The following SLC14A1 variants were observed in gnomAD, a reference collection of about 807,000 sequenced individuals.
The protein encoded by SLC14A1 is solute carrier family 14 member 1 (Kidd blood group).
Under a neutral mutation model 39.6 loss-of-function variants are expected in SLC14A1, and 36 were observed. The ratio of observed to expected loss-of-function variants is 0.91; its 90% CI spans 0.70 to 1.20. The LOEUF is 1.20. Ranked by LOEUF, SLC14A1 falls within the 50% of genes most tolerant of loss-of-function variation. The pLI is 0.00. For missense variants in SLC14A1, 469 were observed against 478.7 expected, an observed-to-expected ratio of 0.98 and a Z score of 0.19; for synonymous variants, 164 against 173.6, an observed-to-expected ratio of 0.94 and a Z score of 0.43.
chr18:45,727,544 A>T lies in SLC14A1; in HGVS notation c.-22+2531A>T, dbSNP rs1015593112. On this transcript the variant is annotated intron_variant, in intron 2 of 9. Coordinates refer to ENST00000321925, the MANE Select transcript of SLC14A1 (RefSeq NM_015865.7). Reference sequence around the variant, plus strand: ...TGTGAGCTAAGCCAAAGGCACAGGGATCTTGGTCCAAAAAGCCCCATGGCG... The same window carrying T: ...TGTGAGCTAAGCCAAAGGCACAGGGTTCTTGGTCCAAAAAGCCCCATGGCG... The T allele has an allele frequency of 4.3e-6, 5 of 1,176,180 alleles. 1 individual carries two copies. In the South Asian group the frequency reaches 5.0e-5, roughly 12 times the overall value. The allele number at this position is 1,176,180 out of a possible 1,614,324, so 72.9% of individuals were successfully genotyped here. A position where few individuals can be genotyped will look rare whatever the true frequency, so the allele number is the denominator to read the frequency against.
In SLC14A1 at chr18:45,739,273, G is replaced by A. The variant is rs1329978626; in HGVS notation, c.774G>A (p.Leu258=). The A allele has an allele frequency of 4.3e-6, 7 of 1,614,062 alleles. No homozygotes were observed. In the Admixed American group the frequency reaches 1.0e-4, roughly 23 times the overall value. The stretch of plus-strand genomic sequence containing the variant: ...TACTCTCCTCCCCACTCATGTGCCT[G>A]CATGCTGCCATAGGATCATTGCTGG... ...AILLSSPLMC[L]HAAIGSLLGI... Residue 258 remains leucine, a synonymous_variant, in exon 7 of 10, where the codon CTG becomes CTA. Transcript: ENST00000321925.
intron 1 of SLC14A1, among the ~76,000 whole-genome samples, chr18:45,724,576 C>A (rs2046812556): frequency 6.6e-6 from 1 of 152,182 alleles, no homozygotes; most frequent in Admixed American, 6.5e-5. Context: ...CTCAATGATT[C>A]TGGGTTAATC....
intron 4 of SLC14A1, 51 bp downstream of exon 4, chr18:45,731,255 T>A: frequency 6.4e-7 from 1 of 1,562,996 alleles, no homozygotes; most frequent in South Asian, 1.1e-5. Context: ...ACACAGGGGC[T>A]GACCAGTTAC....
rs200526375 is a variant in SLC14A1, at chr18:45,739,644, C to T, written c.928C>T (p.Leu310Phe). 2.2e-5 allele frequency: 35 copies of T among 1,614,092 alleles called. No homozygotes were observed. Among genetic ancestry groups the T allele is most frequent in the African/African-American group, 1.3e-5 (1 of 74,926 alleles). The change falls in exon 8 of 10, where the codon CTC (leucine) becomes TTC (phenylalanine). Residue 310 changes from leucine to phenylalanine, a missense_variant. Transcript: ENST00000321925. ...MFMALTWQTHLLALGCALFTA... is the reference protein window; with the variant it reads ...MFMALTWQTHFLALGCALFTA... ...CATGGCGCTCACCTGGCAAACCCAC[C>T]TCCTGGCTCTTGGCTGTGGTGAGTC...
At chr18:45,741,015 C>T (rs1344151463) in intron 8 of SLC14A1, 1 of 152,290 alleles carries the variant, frequency 6.6e-6, no homozygotes, top group African/African-American at 2.4e-5. Context: ...CTGTTGGGGT[C>T]CTGAGGCCAG....
chr18:45,732,948 G>T (rs979089680), intron 4 of SLC14A1, among the ~76,000 whole-genome samples: 2 of 152,206 alleles, frequency 1.3e-5, no homozygotes, highest in Non-Finnish European at 2.9e-5. Context: ...CAAGTCCTTT[G>T]CAGCAGCATG....
intron 2 of SLC14A1, chr18:45,727,520 G>A (rs2046906123): frequency 5.9e-6 from 8 of 1,357,560 alleles, no homozygotes; most frequent in South Asian, 1.5e-5. Flanking sequence ...GGGGTTGGCT[G>A]TGAGCTAAGC....
At position 45,739,327 on chromosome 18, in the gene SLC14A1, T is replaced by C. The variant is rs562856924; in HGVS notation, c.811+17T>C. 7.4e-6 allele frequency: 12 copies of C among 1,614,050 alleles called. No homozygotes were observed. The highest frequency in any genetic ancestry group is 1.7e-4 in the Middle Eastern group (1 of 6,050). ...TAGCAGCGGGTGAGCACAAGAGCCC[T>C]TACCAAATATTGAGCACCTCCTCCA... On this transcript the variant is annotated intron_variant, in intron 7 of 9. Transcript: ENST00000321925.
intron 7 of SLC14A1, 34 bp downstream of exon 7, chr18:45,739,344 C>A (rs1351331497): frequency 1.2e-6 from 2 of 1,613,862 alleles, no homozygotes; most frequent in South Asian, 2.2e-5. Flanking sequence ...ATATTGAGCA[C>A]CTCCTCCATC....
In SLC14A1 at chr18:45,730,353, C is replaced by A; in HGVS notation, c.33C>A (p.Asp11Glu). The change falls in exon 3 of 10, where the codon GAC becomes GAA. Residue 11 changes from aspartate (D) to glutamate (E), a missense_variant. Asp to Glu is a conservative substitution (Grantham distance 45, BLOSUM62 2). Coordinates refer to ENST00000321925, the MANE Select transcript of SLC14A1 (RefSeq NM_015865.7). MEDSPTMVRV[D>E]SPTMVRGENQ... ...ACAGCCCCACTATGGTTAGAGTGGA[C>A]AGCCCCACTATGGTTAGGGGTGAAA... 6.2e-7 allele frequency: 1 copy of A among 1,613,628 alleles called. No homozygotes were observed. The highest frequency in any genetic ancestry group is 8.5e-7 in the Non-Finnish European group (1 of 1,179,974).
chr18:45,727,541 G>A lies in SLC14A1; in HGVS notation c.-22+2528G>A, dbSNP rs551035071. 3.9e-4 allele frequency: 469 copies of A among 1,202,216 alleles called. 1 individual carries two copies. The African/African-American group carries it at 5.7e-3, about 15-fold the overall frequency. 74.5% of individuals were successfully genotyped at this position (1,202,216 alleles called of 1,614,324 possible). ...GGCTGTGAGCTAAGCCAAAGGCACAGGGATCTTGGTCCAAAAAGCCCCATG... is the reference window on the plus strand; with the variant it reads ...GGCTGTGAGCTAAGCCAAAGGCACAAGGATCTTGGTCCAAAAAGCCCCATG... On this transcript the variant is annotated intron_variant, in intron 2 of 9. Transcript: ENST00000321925.
At chr18:45,734,773 G>A (rs1012954601) in intron 5 of SLC14A1, among the ~76,000 whole-genome samples, 3 of 151,792 alleles carry the variant, frequency 2.0e-5, no homozygotes, top group Non-Finnish European at 2.9e-5. Flanking sequence ...AGGATGGAAA[G>A]GAGGAGGAGT....
Position 45,750,053 on chromosome 18 carries a change from C to T in SLC14A1, c.*102C>T. The stretch of plus-strand genomic sequence containing the variant: ...AACTGCTGTTTTTCACGAGTATCAA[C>T]TTTCATACTGACGCGTCTGTAATCT... On this transcript the variant is annotated 3_prime_UTR_variant, in exon 10 of 10. Transcript: ENST00000321925. 6.2e-7 allele frequency: 1 copy of T among 1,608,060 alleles called. No individual in the cohort carries two copies. The highest frequency in any genetic ancestry group is 8.5e-7 in the Non-Finnish European group (1 of 1,179,476).
chr18:45,736,547 C>T lies in SLC14A1; in HGVS notation c.562C>T (p.Leu188Phe), dbSNP rs200153291. The T allele has an allele frequency of 3.6e-5, 58 of 1,614,022 alleles. No homozygotes were observed. Among genetic ancestry groups the T allele is most frequent in the Non-Finnish European group, 4.4e-5 (52 of 1,179,972 alleles). ...LPFNMALSMY[L>F]SATGHYNPFF... ...TTTCAACATGGCGTTGTCAATGTACCTTTCAGCCACAGGACATTACAATCC... is the reference window on the plus strand; with the variant it reads ...TTTCAACATGGCGTTGTCAATGTACTTTTCAGCCACAGGACATTACAATCC... The change falls in exon 6 of 10, where the codon CTT (leucine) becomes TTT (phenylalanine). Residue 188 changes from leucine to phenylalanine, a missense_variant. Coordinates refer to ENST00000321925, the MANE Select transcript of SLC14A1 (RefSeq NM_015865.7).
At chr18:45,725,937 G>A (rs916782054) in intron 2 of SLC14A1, among the ~76,000 whole-genome samples, 10 of 152,152 alleles carry the variant, frequency 6.6e-5, no homozygotes, top group African/African-American at 9.7e-5. Context: ...AGGAAAGGCC[G>A]GTGCCAGGCA....
Position 45,751,587 on chromosome 18 carries a change from G to A in SLC14A1, c.*1636G>A. On this transcript the variant is annotated 3_prime_UTR_variant, in exon 10 of 10. Coordinates refer to ENST00000321925, the MANE Select transcript of SLC14A1 (RefSeq NM_015865.7). ...GAGCCCAGGAGTTCAAGACCAGCTT[G>A]GGCAACATAGCAAGACTCCATCTCT... 7 of 829,588 alleles carry A rather than the reference G, an allele frequency of 8.4e-6. No individual in the cohort carries two copies. Among genetic ancestry groups the A allele is most frequent in the Non-Finnish European group, 1.0e-5 (7 of 688,322 alleles). 51.4% of individuals were successfully genotyped at this position (829,588 alleles called of 1,614,324 possible).
chr18:45,731,449 T>C (rs1599258935), intron 4 of SLC14A1: 1 of 547,430 alleles, frequency 1.8e-6, no homozygotes. Flanking sequence ...TAACCAGAAC[T>C]AAGCTACAAG....
Position 45,736,516 on chromosome 18 carries a change from C to A in SLC14A1, c.531C>A (p.Thr177=), listed in dbSNP as rs763737877. 3 of 1,613,990 alleles carry A rather than the reference C, an allele frequency of 1.9e-6. No homozygotes were observed. The highest frequency in any genetic ancestry group is 1.3e-5 in the African/African-American group (1 of 74,896). ...MLSKWDLPVF[T]LPFNMALSMY... ...GCAAATGGGACCTCCCCGTCTTCAC[C>A]CTCCCTTTCAACATGGCGTTGTCAA... Residue 177 remains threonine, a synonymous_variant, in exon 6 of 10, where the codon ACC becomes ACA. Transcript: ENST00000321925.
In SLC14A1 at chr18:45,739,602, GC is replaced by G; in HGVS notation, c.887del (p.Ala296GlufsTer57). The G allele has an allele frequency of 6.2e-7, 1 of 1,614,158 alleles. No individual in the cohort carries two copies. The highest frequency in any genetic ancestry group is 8.5e-7 in the Non-Finnish European group (1 of 1,180,020). On this transcript the variant is annotated frameshift_variant, in exon 8 of 10. Transcript: ENST00000321925. LOFTEE classifies it high-confidence loss of function. ...WGFNSSLACI[A>X]MGGMFMALTW... ...TTTCAACAGCTCTCTGGCCTGCATTGCAATGGGAGGAATGTTCATGGCGCTC... is the reference window on the plus strand; with the variant it reads ...TTTCAACAGCTCTCTGGCCTGCATTGAATGGGAGGAATGTTCATGGCGCTC...
Sources: allele counts gnomAD v4.1 joint callset (sites outside exome capture counted in the v4.1 genomes callset), GRCh38; gene constraint gnomAD v4.1.1; transcripts MANE v1.5; gene names NCBI Gene and HGNC (gene_info 2026-07-23, HGNC 2026-07-21).